Variants in TCF12 observed in about 807,000 individuals in gnomAD.
TCF12 encodes transcription factor 12.
TCF12 carries 45 observed loss-of-function variants against 86.0 expected under a neutral mutation model. The ratio of observed to expected loss-of-function variants is 0.52; its 90% CI spans 0.41 to 0.67. TCF12 has a LOEUF of 0.67. Ranked by LOEUF, TCF12 falls within the 30% of genes least tolerant of loss-of-function variation. TCF12 has a pLI of 0.00. For synonymous variants in TCF12, 330 were observed against 299.6 expected (o/e 1.10, Z -1.05); for missense variants, 881 against 859.9 (o/e 1.02, Z -0.31).
intron 5 of TCF12, among the ~76,000 whole-genome samples, chr15:57,099,704 T>A (rs1245279917): frequency 6.6e-6 from 1 of 152,194 alleles, no homozygotes; most frequent in Non-Finnish European, 1.5e-5. Flanking sequence ...AATGGCTCTT[T>A]AACACCTTTT....
intron 3 of TCF12, among the ~76,000 whole-genome samples, chr15:57,046,362 A>C (rs1401440026): frequency 2.0e-5 from 3 of 152,254 alleles, no homozygotes; most frequent in African/African-American, 7.2e-5. Flanking sequence ...TGACTTGAAG[A>C]GAAACTCAGA....
chr15:57,166,968 C>G (rs2054941568), intron 6 of TCF12, among the ~76,000 whole-genome samples: 1 of 152,224 alleles, frequency 6.6e-6, no homozygotes, highest in Admixed American at 6.5e-5. Context: ...TAATGGGCAT[C>G]TTTTCTGCCT....
At chr15:57,100,696 G>A (rs2073271106) in intron 5 of TCF12, among the ~76,000 whole-genome samples, 1 of 152,046 alleles carries the variant, frequency 6.6e-6, no homozygotes, top group Admixed American at 6.6e-5. Flanking sequence ...ATGTTATAAA[G>A]AATAGAAGTA....
intron 4 of TCF12, among the ~76,000 whole-genome samples, chr15:57,091,533 A>G (rs1216183426): frequency 1.3e-5 from 2 of 152,220 alleles, no homozygotes; most frequent in African/African-American, 4.8e-5. Context: ...CTTTGAAAAC[A>G]TTCGTGCTCA....
intron 3 of TCF12, among the ~76,000 whole-genome samples, chr15:57,053,387 T>C (rs1392790419): frequency 1.3e-5 from 2 of 152,226 alleles, no homozygotes; most frequent in Admixed American, 6.5e-5. Context: ...ATCAAAGTTA[T>C]GGTTTGCAAA....
At chr15:57,076,225 T>C (rs1290258518) in intron 4 of TCF12, among the ~76,000 whole-genome samples, 1 of 152,246 alleles carries the variant, frequency 6.6e-6, no homozygotes, top group South Asian at 2.1e-4. Flanking sequence ...CTGGCCTTCA[T>C]AGGATATTAA....
chr15:57,197,557 G>A (rs1323246995), intron 7 of TCF12, among the ~76,000 whole-genome samples: 1 of 152,114 alleles, frequency 6.6e-6, no homozygotes, highest in Admixed American at 6.6e-5. Flanking sequence ...AAATTTATGG[G>A]ATATGTATTT....
At chr15:57,252,215 T>C (rs1263988453) in intron 14 of TCF12, 2 of 431,562 alleles carry the variant, frequency 4.6e-6, no homozygotes, top group Non-Finnish European at 8.2e-6. Context: ...CAAGCAATTA[T>C]AAGCAATGTG....
intron 3 of TCF12, among the ~76,000 whole-genome samples, chr15:57,000,978 C>G (rs1012533679): frequency 4.1e-5 from 6 of 145,154 alleles, no homozygotes; most frequent in Admixed American, 1.4e-4. Context: ...TATTCTAGTG[C>G]TTTTATTTTT....
chr15:56,985,119 A>G (rs1311546442), intron 3 of TCF12, among the ~76,000 whole-genome samples: 1 of 152,218 alleles, frequency 6.6e-6, no homozygotes, highest in African/African-American at 2.4e-5. Context: ...GATCTGAACA[A>G]ACATTATTTC....
chr15:57,027,630 A>G lies in TCF12; in HGVS notation c.149-36120A>G, dbSNP rs185646312. 8.0e-4 allele frequency among the ~76,000 whole-genome samples: 122 copies of G among 152,110 alleles called. 2 individuals are homozygous for G. The highest frequency in any genetic ancestry group is 2.8e-3 in the African/African-American group (117 of 41,500). On this transcript the variant is annotated intron_variant, in intron 3 of 20. Coordinates refer to ENST00000333725, the MANE Select transcript of TCF12 (RefSeq NM_207037.2). ...TATGGTTAATACTCTGAGAGAGTGG[A>G]AAAGTGCTTTTTTAAAGTGATCGTA...
In TCF12 at chr15:57,286,339, G is replaced by A; in HGVS notation, c.*194G>A. ...GGTCAACACTTCCATCAGAAGTGAA[G>A]ATAGGAAGCTCATCAGATAGAACAT... is the stretch of plus-strand genomic sequence containing the variant. On this transcript the variant is annotated 3_prime_UTR_variant, in exon 21 of 21. Coordinates refer to ENST00000333725, the MANE Select transcript of TCF12 (RefSeq NM_207037.2). The A allele has an allele frequency of 4.7e-6, 1 of 214,032 alleles. No individual in the cohort carries two copies. The highest frequency in any genetic ancestry group is 6.5e-5 in the South Asian group (1 of 15,460). 13.3% of individuals were successfully genotyped at this position (214,032 alleles called of 1,614,324 possible).
intron 3 of TCF12, among the ~76,000 whole-genome samples, chr15:56,941,088 C>T (rs566878642): frequency 5.1e-5 from 1 of 19,554 alleles, no homozygotes; most frequent in Non-Finnish European, 9.5e-5. Flanking sequence ...TATTTTAGGC[C>T]AGGTGTGGTG....
chr15:57,283,225 T>C (rs1293025743), intron 20 of TCF12, among the ~76,000 whole-genome samples: 2 of 152,172 alleles, frequency 1.3e-5, no homozygotes, highest in African/African-American at 4.8e-5. Context: ...TATATCTTCC[T>C]TTTCATGGAC....
chr15:57,003,296 C>G (rs1194199335), intron 3 of TCF12, among the ~76,000 whole-genome samples: 1 of 152,170 alleles, frequency 6.6e-6, no homozygotes, highest in Non-Finnish European at 1.5e-5. Flanking sequence ...CTGTGAGCAT[C>G]TGGTCACAGC....
chr15:57,023,044 A>C (rs375683266), intron 3 of TCF12, among the ~76,000 whole-genome samples: 48 of 152,284 alleles, frequency 3.2e-4, no homozygotes, highest in African/African-American at 1.1e-3. Flanking sequence ...CTGTTGTATA[A>C]GAGACATTAA....
At chr15:57,270,807 C>T (rs1320488094) in intron 18 of TCF12, among the ~76,000 whole-genome samples, 1 of 152,208 alleles carries the variant, frequency 6.6e-6, no homozygotes, top group African/African-American at 2.4e-5. Context: ...AGTTTTCCTT[C>T]TAACAGACCG....
At chr15:57,185,785 G>A (rs1244444074) in intron 6 of TCF12, among the ~76,000 whole-genome samples, 1 of 152,168 alleles carries the variant, frequency 6.6e-6, no homozygotes, top group African/African-American at 2.4e-5. Flanking sequence ...AGGAGACTGA[G>A]GTAGGAAGAT....
intron 3 of TCF12, among the ~76,000 whole-genome samples, chr15:56,979,296 G>GCATAAAA (rs1293537962): frequency 5.9e-5 from 9 of 151,854 alleles, no homozygotes; most frequent in Admixed American, 3.3e-4. Context: ...TGTTTTTTTG[G>GCATAAAA]TCAGTTTTTA....
Sources: gnomAD v4.1 joint callset for allele counts (sites outside exome capture counted in the v4.1 genomes callset) on GRCh38, gnomAD v4.1.1 for gene constraint, MANE v1.5 for transcripts, NCBI Gene and HGNC (gene_info 2026-07-23, HGNC 2026-07-21) for gene names.